The following VPS26A variants were observed in gnomAD, a reference collection of about 807,000 sequenced individuals.
VPS26A encodes the protein VPS26 retromer complex component A.
A neutral mutation model predicts 42.4 loss-of-function variants in VPS26A; 22 were observed. The observed-to-expected ratio is 0.52, with a 90% CI of 0.37 to 0.74. VPS26A has a LOEUF of 0.74. Among genes scored for constraint, VPS26A ranks in the 30% least tolerant of loss-of-function variants. The pLI is 0.00. For synonymous variants in VPS26A, 110 were observed against 123.5 expected, an observed-to-expected ratio of 0.89 and a Z score of 0.73; for missense variants, 276 against 379.2, an observed-to-expected ratio of 0.73 and a Z score of 2.26.
chr10:69,129,543 GA>G (rs898411408), intron 1 of VPS26A, among the ~76,000 whole-genome samples: 2 of 149,734 alleles, frequency 1.3e-5, no homozygotes, highest in East Asian at 2.0e-4. Flanking sequence ...GTGTCAAAAA[GA>G]AAAAAAAATT....
At position 69,162,554 on chromosome 10, in the gene VPS26A, G is replaced by A; in HGVS notation, c.658+42G>A. ...ATGTAAATTAAAATTCTTTGTTTTAGTTGACATTTTTAAAATCTTAAAATA... is the reference window on the plus strand; with the variant it reads ...ATGTAAATTAAAATTCTTTGTTTTAATTGACATTTTTAAAATCTTAAAATA... On this transcript the variant is annotated intron_variant, in intron 6 of 8. Transcript: ENST00000263559. The A allele has an allele frequency of 2.4e-6, 3 of 1,275,380 alleles. No individual in the cohort carries two copies. In the Admixed American group the frequency reaches 7.7e-5, roughly 33 times the overall value. 79.0% of individuals were successfully genotyped at this position (1,275,380 alleles called of 1,614,324 possible). A position where few individuals can be genotyped will look rare whatever the true frequency, so the allele number is the denominator to read the frequency against.
chr10:69,145,151 T>C lies in VPS26A; in HGVS notation c.154-10661T>C, dbSNP rs1013235500. Reference sequence around the variant, plus strand: ...CCCGGGTTCAAGCTTTTCTCCTGCCTCAGCCTCCTGAGTAGCTGGATTACA... The same window carrying C: ...CCCGGGTTCAAGCTTTTCTCCTGCCCCAGCCTCCTGAGTAGCTGGATTACA... On this transcript the variant is annotated intron_variant, in intron 2 of 8. Transcript: ENST00000263559. Among the ~76,000 whole-genome samples, 4 of 118,178 alleles carry C rather than the reference T, an allele frequency of 3.4e-5. No individual in the cohort carries two copies. The Admixed American group carries it at 3.8e-4, about 11-fold the overall frequency. 77.5% of individuals were successfully genotyped at this position (118,178 alleles called of 152,430 possible).
intron 2 of VPS26A, among the ~76,000 whole-genome samples, chr10:69,151,333 T>TC (rs1441888077): frequency 2.9e-4 from 43 of 147,966 alleles, no homozygotes; most frequent in African/African-American, 1.0e-3. Flanking sequence ...TTGCCTGTAA[T>TC]CCCAGCTACT....
chr10:69,141,162 AG>A (rs2132201740), intron 2 of VPS26A, among the ~76,000 whole-genome samples: 2 of 152,352 alleles, frequency 1.3e-5, no homozygotes, highest in South Asian at 4.1e-4. Flanking sequence ...CCATTCTGGC[AG>A]TTTAGCAATA....
chr10:69,146,647 G>A lies in VPS26A; in HGVS notation c.154-9165G>A, dbSNP rs1049554581. The stretch of plus-strand genomic sequence containing the variant: ...TGAATTTGCCTATTTTAGATATTTT[G>A]TATAAGTGGTCATATAATATTTGTC... On this transcript the variant is annotated intron_variant, in intron 2 of 8. Coordinates refer to ENST00000263559, the MANE Select transcript of VPS26A (RefSeq NM_004896.5). 9.2e-5 allele frequency among the ~76,000 whole-genome samples: 14 copies of A among 152,088 alleles called. 1 individual carries two copies. In the South Asian group the frequency reaches 1.0e-3, roughly 11 times the overall value.
intron 1 of VPS26A, 81 bp downstream of exon 1, chr10:69,124,361 G>C: frequency 8.2e-7 from 1 of 1,215,206 alleles, no homozygotes. Context: ...CGGGCCGGGC[G>C]TCGCCGGAGG....
At chr10:69,145,500 G>A (rs968863432) in intron 2 of VPS26A, among the ~76,000 whole-genome samples, 1 of 152,204 alleles carries the variant, frequency 6.6e-6, no homozygotes, top group South Asian at 2.1e-4. Context: ...CCACTGCACT[G>A]TCATACCACC....
intron 2 of VPS26A, among the ~76,000 whole-genome samples, chr10:69,148,626 T>G (rs1313602157): frequency 2.6e-5 from 4 of 152,252 alleles, no homozygotes; most frequent in African/African-American, 4.8e-5. Context: ...ATAGTATATG[T>G]TTGTCTTAAA....
At chr10:69,130,741 T>A (rs762037866) in intron 1 of VPS26A, among the ~76,000 whole-genome samples, 4 of 152,324 alleles carry the variant, frequency 2.6e-5, no homozygotes, top group Non-Finnish European at 5.9e-5. Context: ...TAATGTACCT[T>A]ACATGTTTTT....
At chr10:69,170,564 C>T (rs1218392582) in intron 8 of VPS26A, among the ~76,000 whole-genome samples, 4 of 151,918 alleles carry the variant, frequency 2.6e-5, no homozygotes, top group African/African-American at 9.7e-5. Flanking sequence ...AGATGTAGGG[C>T]GAGTTTATTT....
chr10:69,137,530 T>C (rs1430695215), intron 2 of VPS26A, among the ~76,000 whole-genome samples: 1 of 152,222 alleles, frequency 6.6e-6, no homozygotes, highest in African/African-American at 2.4e-5. Flanking sequence ...AGTGGCCCCT[T>C]TCTCTCAGTT....
At chr10:69,157,934 A>G in intron 4 of VPS26A, 113 bp from the exon 5 acceptor site, 2 of 915,868 alleles carry the variant, frequency 2.2e-6, no homozygotes, top group Non-Finnish European at 3.2e-6. Flanking sequence ...AGTTGATCCC[A>G]AAGGAGTTCC....
At position 69,149,727 on chromosome 10, in the gene VPS26A, GTTTTTTGTTTTTTT is replaced by G. The variant is rs1841250942; in HGVS notation, c.154-6078_154-6065del. On this transcript the variant is annotated intron_variant, in intron 2 of 8. Transcript: ENST00000263559. ...ACCATGGAATGTTAACTTTCTTGGTGTTTTTTGTTTTTTTTTTTTTTTTTTTTTTTTTTTTTTGA... is the reference window on the plus strand; with the variant it reads ...ACCATGGAATGTTAACTTTCTTGGTGTTTTTTTTTTTTTTTTTTTTTTTGA... Among the ~76,000 whole-genome samples the G allele has an allele frequency of 1.5e-4, 14 of 93,950 alleles. 1 individual carries two copies. Among genetic ancestry groups the G allele is most frequent in the East Asian group, 9.3e-4 (3 of 3,228 alleles). The allele number at this position is 93,950 out of a possible 152,430, so 61.6% of individuals were successfully genotyped here.
chr10:69,133,547 C>CTT (rs1326671501), intron 2 of VPS26A: 1 of 1,288,840 alleles, frequency 7.8e-7, no homozygotes, highest in East Asian at 5.5e-5. Flanking sequence ...CTGTAGAGGA[C>CTT]TTGAGTACTT....
chr10:69,171,035 AGAG>A (rs1007159121), intron 8 of VPS26A, 118 bp from the exon 9 acceptor site: 113 of 782,236 alleles, frequency 1.4e-4, no homozygotes, highest in Non-Finnish European at 1.5e-4. Flanking sequence ...AAGTTGGAAA[AGAG>A]GAGGGCTTTT....
At chr10:69,124,778 C>T (rs1840613614) in intron 1 of VPS26A, among the ~76,000 whole-genome samples, 1 of 152,222 alleles carries the variant, frequency 6.6e-6, no homozygotes, top group Admixed American at 6.5e-5. Flanking sequence ...TCTTTGATTT[C>T]ATGACCCCAG....
At chr10:69,168,857 G>GT (rs1841751425) in intron 8 of VPS26A, among the ~76,000 whole-genome samples, 1 of 152,032 alleles carries the variant, frequency 6.6e-6, no homozygotes, top group Admixed American at 6.5e-5. Flanking sequence ...AGGGCTTTTA[G>GT]TTTTCTCTTA....
At chr10:69,140,400 T>G (rs1016156603) in intron 2 of VPS26A, among the ~76,000 whole-genome samples, 4 of 151,734 alleles carry the variant, frequency 2.6e-5, no homozygotes, top group African/African-American at 9.7e-5. Context: ...CGTGATAGAG[T>G]CTCACTCTGT....
intron 2 of VPS26A, among the ~76,000 whole-genome samples, chr10:69,144,379 A>G (rs1450759834): frequency 1.3e-5 from 2 of 152,094 alleles, no homozygotes; most frequent in African/African-American, 2.4e-5. Flanking sequence ...TAGTTTAACC[A>G]CCCTAAAAAT....
Sources: gnomAD v4.1 joint callset for allele counts (sites outside exome capture counted in the v4.1 genomes callset) on GRCh38, gnomAD v4.1.1 for gene constraint, MANE v1.5 for transcripts, NCBI Gene and HGNC (gene_info 2026-07-23, HGNC 2026-07-21) for gene names.